GRIP1: variants seen among roughly 807,000 people sequenced by gnomAD.
The protein encoded by GRIP1 is glutamate receptor-interacting protein 1.
Under a neutral mutation model 129.9 loss-of-function variants are expected in GRIP1, and 45 were observed. The observed-to-expected ratio is 0.35, with a 90% CI of 0.27 to 0.44. The LOEUF (loss-of-function observed/expected upper bound fraction) is 0.44. Among genes scored for constraint, GRIP1 ranks in the 20% least tolerant of loss-of-function variants. The pLI, the probability that GRIP1 is intolerant of heterozygous loss-of-function variation, is 1.00. For missense variants in GRIP1, 1,196 were observed against 1,396.8 expected (o/e 0.86, Z 2.29); for synonymous variants, 530 against 520.8 (o/e 1.02, Z -0.24).
At chr12:66,687,846 C>T (rs547341444) in intron 1 of GRIP1, among the ~76,000 whole-genome samples, 1 of 152,256 alleles carries the variant, frequency 6.6e-6, no homozygotes, top group Admixed American at 6.5e-5. Flanking sequence ...AACATACAAT[C>T]CCTTAGTCAC....
upstream of GRIP1, chr12:67,069,164 C>T: frequency 1.1e-6 from 1 of 947,308 alleles, no homozygotes; most frequent in Non-Finnish European, 1.3e-6. Flanking sequence ...CTCTCTTTCT[C>T]CGGGGCTCTC....
Position 66,444,588 on chromosome 12 carries a change from A to C in GRIP1, c.1683T>G (p.Val561=). The C allele has an allele frequency of 6.2e-7, 1 of 1,610,632 alleles. No individual in the cohort carries two copies. Among genetic ancestry groups the C allele is most frequent in the Non-Finnish European group, 8.5e-7 (1 of 1,179,778 alleles). ...SKVTLEIEFD[V]AESVIPSSGT... ...CCTGAGATGATATGATTATACCTGC[A>C]ACATCAAACTCGATTTCCAGTGTGA... The change falls in exon 13 of 25, where the codon GTT becomes GTG. Residue 561 remains valine, a synonymous_variant. Transcript: ENST00000359742.
chr12:66,443,621 A>AT (rs2058533176), intron 13 of GRIP1, among the ~76,000 whole-genome samples: 1 of 151,710 alleles, frequency 6.6e-6, no homozygotes, highest in Non-Finnish European at 1.5e-5. Context: ...TGCCTGGCTA[A>AT]TTTTTTGTAT....
At chr12:66,457,290 T>C (rs1056384076) in intron 9 of GRIP1, among the ~76,000 whole-genome samples, 19 of 152,340 alleles carry the variant, frequency 1.2e-4, no homozygotes, top group African/African-American at 4.6e-4. Context: ...TTTCTAGAGA[T>C]GGGGTCTTGC....
At chr12:66,916,403 A>C (rs895560533) in intron 1 of GRIP1, among the ~76,000 whole-genome samples, 1 of 152,102 alleles carries the variant, frequency 6.6e-6, no homozygotes, top group Non-Finnish European at 1.5e-5. Context: ...GTTTATGCCT[A>C]ATCAGGTTTA....
chr12:66,776,447 A>G (rs2037982793), intron 1 of GRIP1, among the ~76,000 whole-genome samples: 1 of 152,246 alleles, frequency 6.6e-6, no homozygotes, highest in South Asian at 2.1e-4. Context: ...TAATCACTGA[A>G]TAACAATAAC....
chr12:66,959,946 A>C (rs746455397), intron 1 of GRIP1, among the ~76,000 whole-genome samples: 3 of 152,168 alleles, frequency 2.0e-5, no homozygotes, highest in Non-Finnish European at 4.4e-5. Flanking sequence ...AAAAATATAT[A>C]TATATCCTTA....
At chr12:66,887,319 A>G (rs2137216710) in intron 1 of GRIP1, among the ~76,000 whole-genome samples, 1 of 152,378 alleles carries the variant, frequency 6.6e-6, no homozygotes, top group South Asian at 2.1e-4. Flanking sequence ...GCCTAATTAT[A>G]ATATTTACAA....
intron 1 of GRIP1, among the ~76,000 whole-genome samples, chr12:66,940,376 G>A (rs2041565323): frequency 6.6e-6 from 1 of 152,100 alleles, no homozygotes; most frequent in Non-Finnish European, 1.5e-5. Context: ...CTCAGTGAGT[G>A]TTACTATCTG....
chr12:66,641,862 A>G (rs1368377937), intron 1 of GRIP1, among the ~76,000 whole-genome samples: 1 of 152,230 alleles, frequency 6.6e-6, no homozygotes, highest in African/African-American at 2.4e-5. Flanking sequence ...CGAAGTAGAA[A>G]TAAGCATCAC....
In GRIP1 at chr12:66,631,546, C is replaced by T. The variant is rs532045614; in HGVS notation, c.56-34619G>A. ...CACTACTAAAGTCATATAGAGTGTA[C>T]CCATTTTCATTGCTGCCATTTTCCT... On this transcript the variant is annotated intron_variant, in intron 1 of 24. Coordinates refer to ENST00000359742, the MANE Select transcript of GRIP1 (RefSeq NM_001366722.1). 2.6e-5 allele frequency among the ~76,000 whole-genome samples: 4 copies of T among 152,286 alleles called. No individual in the cohort carries two copies. In the East Asian group the frequency reaches 7.7e-4, roughly 29 times the overall value.
At chr12:67,010,412 A>T (rs2042687983) in intron 1 of GRIP1, among the ~76,000 whole-genome samples, 1 of 152,128 alleles carries the variant, frequency 6.6e-6, no homozygotes, top group Non-Finnish European at 1.5e-5. Flanking sequence ...AAGCAATCTG[A>T]ATTCACATTT....
intron 14 of GRIP1, among the ~76,000 whole-genome samples, chr12:66,431,101 G>A (rs1264284171): frequency 6.6e-6 from 1 of 152,172 alleles, no homozygotes; most frequent in Non-Finnish European, 1.5e-5. Flanking sequence ...AGTTGCATGA[G>A]TGTTTGCATG....
rs1031544505 is a variant in GRIP1 at position 67,012,185 on chromosome 12, G to C, written c.58+56865C>G. 2.6e-5 allele frequency among the ~76,000 whole-genome samples: 4 copies of C among 152,320 alleles called. No individual in the cohort carries two copies. The South Asian group carries it at 6.2e-4, about 24-fold the overall frequency. On this transcript the variant is annotated intron_variant, in intron 1 of 1. Transcript: ENST00000643019. ...GGATCAATAAGTACAAGCTGTAGGAGAGAAGATTTGTATTCATCATAAGGA... is the reference window on the plus strand; with the variant it reads ...GGATCAATAAGTACAAGCTGTAGGACAGAAGATTTGTATTCATCATAAGGA...
intron 1 of GRIP1, among the ~76,000 whole-genome samples, chr12:66,810,248 TAG>T (rs2136949231): frequency 6.6e-6 from 1 of 152,294 alleles, no homozygotes; most frequent in South Asian, 2.1e-4. Context: ...TAATTATAAA[TAG>T]ATTTTCATTT....
chr12:66,893,880 C>T (rs1383291599), intron 1 of GRIP1, among the ~76,000 whole-genome samples: 3 of 152,122 alleles, frequency 2.0e-5, no homozygotes, highest in African/African-American at 7.2e-5. Context: ...AACCAAAAGC[C>T]AAAGTCTGTC....
intron 1 of GRIP1, among the ~76,000 whole-genome samples, chr12:66,892,333 T>C (rs553660905): frequency 6.6e-6 from 1 of 152,304 alleles, no homozygotes; most frequent in African/African-American, 2.4e-5. Flanking sequence ...TTCCCCTTTG[T>C]CCCTTCAGTG....
rs986730813 is a variant in GRIP1 at position 66,911,068 on chromosome 12, T to C, written c.58+157982A>G. 3.9e-5 allele frequency among the ~76,000 whole-genome samples: 6 copies of C among 152,228 alleles called. No homozygotes were observed. In the East Asian group the frequency reaches 5.8e-4, roughly 15 times the overall value. On this transcript the variant is annotated intron_variant, in intron 1 of 1. Coordinates refer to the GRIP1 transcript ENST00000643019. ...TGGGGATACAAAAATAAGTAATATATGGTTGTTACCCTCAAGGGGCTCTCC... is the reference window on the plus strand; with the variant it reads ...TGGGGATACAAAAATAAGTAATATACGGTTGTTACCCTCAAGGGGCTCTCC...
intron 2 of GRIP1, among the ~76,000 whole-genome samples, chr12:66,577,543 T>C (rs1336418125): frequency 6.6e-6 from 1 of 152,198 alleles, no homozygotes; most frequent in Admixed American, 6.5e-5. Flanking sequence ...ATTTATAATA[T>C]TGATGAGATC....
Sources: allele counts gnomAD v4.1 joint callset (sites outside exome capture counted in the v4.1 genomes callset), GRCh38; gene constraint gnomAD v4.1.1; transcripts MANE v1.5; gene names NCBI Gene and HGNC (gene_info 2026-07-23, HGNC 2026-07-21).